ITPRID1: variants seen among roughly 807,000 people sequenced by gnomAD.
The protein encoded by ITPRID1 is protein ITPRID1.
In ITPRID1, 96 loss-of-function variants were observed where a neutral mutation model predicts 95.4. The ratio of observed to expected loss-of-function variants is 1.01; its 90% CI spans 0.85 to 1.19. The LOEUF is 1.19. ITPRID1 is among the 50% of genes most tolerant of loss of function. The pLI is 0.00. For missense variants in ITPRID1, 1,339 were observed against 1,252.9 expected (o/e 1.07, Z -1.04); for synonymous variants, 510 against 453.6 (o/e 1.12, Z -1.58).
At chr7:31,616,294 T>TCAATAGGACCCAA (rs1412212337) in intron 10 of ITPRID1, among the ~76,000 whole-genome samples, 36 of 152,200 alleles carry the variant, frequency 2.4e-4, no homozygotes, top group African/African-American at 8.2e-4. Flanking sequence ...ATTATTGTAT[T>TCAATAGGACCCAA]TATGGTTATC....
intron 1 of ITPRID1, chr7:31,518,250 G>A (rs1783111240): frequency 6.6e-6 from 1 of 152,266 alleles, no homozygotes; most frequent in African/African-American, 2.4e-5. Context: ...TTCCTTTAGA[G>A]CTTCCAGGAA....
chr7:31,569,696 G>A, intron 5 of ITPRID1, 62 bp from the exon 6 acceptor site: 1 of 1,452,760 alleles, frequency 6.9e-7, no homozygotes, highest in Non-Finnish European at 9.4e-7. Flanking sequence ...ATTTGGGGTT[G>A]AGAAAATCTT....
At position 31,569,255 on chromosome 7, in the gene ITPRID1, C is replaced by A. The variant is rs187837471; in HGVS notation, c.257-503C>A. On this transcript the variant is annotated intron_variant, in intron 5 of 14. Coordinates refer to ENST00000615280, the MANE Select transcript of ITPRID1 (RefSeq NM_001257967.3). ...TGATACAAATGAAGGGAATATGCTTCATACATGCTGGGCCCTTCATGTATT... is the reference window on the plus strand; with the variant it reads ...TGATACAAATGAAGGGAATATGCTTAATACATGCTGGGCCCTTCATGTATT... 4.8e-3 allele frequency among the ~76,000 whole-genome samples: 728 copies of A among 152,272 alleles called. 8 individuals carry two copies. The highest frequency in any genetic ancestry group is 0.017 in the African/African-American group (691 of 41,542).
intron 10 of ITPRID1, among the ~76,000 whole-genome samples, chr7:31,599,726 G>A (rs1040814079): frequency 3.9e-5 from 5 of 129,180 alleles, no homozygotes; most frequent in Non-Finnish European, 8.1e-5. Context: ...TTTTTTGATG[G>A]AGTCTCTCTC....
Position 31,524,574 on chromosome 7 carries a change from T to C in ITPRID1, c.-98+10454T>C, listed in dbSNP as rs182942292. On this transcript the variant is annotated intron_variant, in intron 1 of 14. Coordinates refer to ENST00000615280, the MANE Select transcript of ITPRID1 (RefSeq NM_001257967.3). Reference sequence around the variant, plus strand: ...TGTTAAAAGGCAATTTCAGTTTTCTTATTGACTTTCATCTATTCTGTAGAG... The same window carrying C: ...TGTTAAAAGGCAATTTCAGTTTTCTCATTGACTTTCATCTATTCTGTAGAG... Among the ~76,000 whole-genome samples, 20 of 152,364 alleles carry C rather than the reference T, an allele frequency of 1.3e-4. No individual in the cohort carries two copies. The East Asian group carries it at 3.1e-3, about 23-fold the overall frequency.
chr7:31,627,801 C>T (rs1788611715), intron 10 of ITPRID1, among the ~76,000 whole-genome samples: 1 of 151,596 alleles, frequency 6.6e-6, no homozygotes, highest in African/African-American at 2.4e-5. Flanking sequence ...AAAACAAAAA[C>T]TTCCTTTTTA....
chr7:31,607,059 G>A (rs1786655862), intron 10 of ITPRID1, among the ~76,000 whole-genome samples: 1 of 151,964 alleles, frequency 6.6e-6, no homozygotes, highest in South Asian at 2.1e-4. Flanking sequence ...CTTTCCTAGA[G>A]CTCATGTCTT....
At chr7:31,648,732 T>C (rs916865255) in intron 12 of ITPRID1, among the ~76,000 whole-genome samples, 13 of 152,198 alleles carry the variant, frequency 8.5e-5, no homozygotes, top group Admixed American at 2.6e-4. Flanking sequence ...AGTTGGGAAG[T>C]CTTGGTTACC....
At chr7:31,607,685 A>G (rs1386985707) in intron 10 of ITPRID1, among the ~76,000 whole-genome samples, 1 of 151,938 alleles carries the variant, frequency 6.6e-6, no homozygotes, top group African/African-American at 2.4e-5. Context: ...TCACAACCCC[A>G]TGCCCTTCAG....
At chr7:31,537,767 A>G (rs1400627412) in intron 1 of ITPRID1, among the ~76,000 whole-genome samples, 1 of 152,194 alleles carries the variant, frequency 6.6e-6, no homozygotes, top group Non-Finnish European at 1.5e-5. Flanking sequence ...ACAAAATAAG[A>G]ATGCAAGTCA....
intron 10 of ITPRID1, among the ~76,000 whole-genome samples, chr7:31,584,627 A>T (rs1300680068): frequency 6.6e-6 from 1 of 152,232 alleles, no homozygotes; most frequent in Admixed American, 6.5e-5. Flanking sequence ...AGGAGAGCCT[A>T]ATGGATAAAA....
chr7:31,605,236 G>A (rs1028032836), intron 10 of ITPRID1, among the ~76,000 whole-genome samples: 1 of 152,120 alleles, frequency 6.6e-6, no homozygotes, highest in Non-Finnish European at 1.5e-5. Flanking sequence ...GTTGATAGAA[G>A]CCTTCAAGGC....
chr7:31,551,211 G>A (rs1394719409), intron 2 of ITPRID1, among the ~76,000 whole-genome samples: 1 of 143,492 alleles, frequency 7.0e-6, no homozygotes, highest in Non-Finnish European at 1.6e-5. Context: ...TGTCAGTGTC[G>A]ATGCTGTTAT....
At chr7:31,573,152 T>G (rs1785051328) in intron 7 of ITPRID1, among the ~76,000 whole-genome samples, 1 of 152,318 alleles carries the variant, frequency 6.6e-6, no homozygotes, top group South Asian at 2.1e-4. Context: ...TAAGTTTCAA[T>G]AATCAATTGC....
intron 12 of ITPRID1, among the ~76,000 whole-genome samples, chr7:31,644,573 G>A (rs1688626242): frequency 6.6e-6 from 1 of 152,114 alleles, no homozygotes; most frequent in Admixed American, 6.5e-5. Flanking sequence ...TCAAATAGAG[G>A]GGCTTTTGGT....
rs1462227554 is a variant in ITPRID1 at position 31,549,516 on chromosome 7, T to A, written c.-24+17T>A. On this transcript the variant is annotated intron_variant, in intron 2 of 14. Coordinates refer to ENST00000615280, the MANE Select transcript of ITPRID1 (RefSeq NM_001257967.3). The stretch of plus-strand genomic sequence containing the variant: ...ATATGAGTGGTGATTGTTTTGGATA[T>A]ATTTTTCATTAAATTTTCCCAAAAA... 13 of 1,511,428 alleles carry A rather than the reference T, an allele frequency of 8.6e-6. No homozygotes were observed. The highest frequency in any genetic ancestry group is 9.7e-6 in the Non-Finnish European group (11 of 1,130,474). 93.6% of individuals were successfully genotyped at this position (1,511,428 alleles called of 1,614,324 possible).
intron 13 of ITPRID1, 111 bp from the exon 14 acceptor site, chr7:31,651,828 C>T (rs1402638780): frequency 1.5e-6 from 1 of 651,290 alleles, no homozygotes; most frequent in Admixed American, 2.8e-5. Context: ...ATAAAGATGA[C>T]ATTCTCTTTT....
chr7:31,628,702 C>T (rs891570896), intron 10 of ITPRID1, among the ~76,000 whole-genome samples: 6 of 152,178 alleles, frequency 3.9e-5, no homozygotes, highest in Non-Finnish European at 5.9e-5. Context: ...GTGATCCGCC[C>T]GCCTCGGCCT....
chr7:31,630,502 G>C (rs538413001), intron 10 of ITPRID1, among the ~76,000 whole-genome samples: 1 of 152,204 alleles, frequency 6.6e-6, no homozygotes, highest in Non-Finnish European at 1.5e-5. Flanking sequence ...TTAGCTATTA[G>C]TAATGTTGAA....
Sources: allele counts gnomAD v4.1 joint callset (sites outside exome capture counted in the v4.1 genomes callset), GRCh38; gene constraint gnomAD v4.1.1; transcripts MANE v1.5; gene names NCBI Gene and HGNC (gene_info 2026-07-23, HGNC 2026-07-21).